Variants in CD44 observed in about 807,000 individuals in gnomAD.
CD44 encodes CD44 molecule (IN blood group).
A neutral mutation model predicts 88.8 loss-of-function variants in CD44; 49 were observed. The observed-to-expected ratio is 0.55, with a 90% CI of 0.44 to 0.70. CD44 has a LOEUF of 0.70. Ranked by LOEUF, CD44 falls within the 30% of genes least tolerant of loss-of-function variation. The probability of loss-of-function intolerance (pLI) is 0.00; values close to 1 mark genes in which losing one functional copy is unlikely to be tolerated. For synonymous variants in CD44, 325 were observed against 312.3 expected (o/e 1.04, Z -0.43); for missense variants, 883 against 913.8 (o/e 0.97, Z 0.43).
intron 1 of CD44, among the ~76,000 whole-genome samples, chr11:35,167,197 G>A (rs1461597776): frequency 1.3e-5 from 2 of 152,226 alleles, no homozygotes; most frequent in African/African-American, 4.8e-5. Context: ...AGATAGATCA[G>A]TAGCAACAGC....
At chr11:35,173,981 T>G (rs969164002) in intron 1 of CD44, among the ~76,000 whole-genome samples, 3 of 152,188 alleles carry the variant, frequency 2.0e-5, no homozygotes, top group Admixed American at 1.3e-4. Context: ...GGGAGTCATT[T>G]AATTTTTCTG....
intron 8 of CD44, 132 bp downstream of exon 8, chr11:35,201,327 G>A (rs2134046037): frequency 2.9e-6 from 2 of 698,878 alleles, no homozygotes; most frequent in East Asian, 5.4e-5. Flanking sequence ...GGACTTTTAT[G>A]AGGATACTTA....
intron 3 of CD44, among the ~76,000 whole-genome samples, chr11:35,183,550 T>TC (rs563545630): frequency 6.6e-6 from 1 of 151,966 alleles, no homozygotes. Context: ...AGTGCTGTGA[T>TC]CCCCCCCATA....
At chr11:35,209,144 G>A (rs1031237968) in intron 12 of CD44, among the ~76,000 whole-genome samples, 7 of 152,312 alleles carry the variant, frequency 4.6e-5, no homozygotes, top group Non-Finnish European at 5.9e-5. Flanking sequence ...TTATTCGGTG[G>A]TGGGCATGGC....
At chr11:35,227,998 A>G (rs1190693086) in intron 17 of CD44, among the ~76,000 whole-genome samples, 1 of 152,218 alleles carries the variant, frequency 6.6e-6, no homozygotes, top group Admixed American at 6.5e-5. Flanking sequence ...AGAAAATTAC[A>G]TGTAAAATGT....
chr11:35,194,755 A>T (rs754037845), intron 5 of CD44, among the ~76,000 whole-genome samples: 2 of 152,348 alleles, frequency 1.3e-5, no homozygotes, highest in Non-Finnish European at 2.9e-5. Flanking sequence ...CAATGTGTAT[A>T]TAGAATCAGA....
intron 1 of CD44, among the ~76,000 whole-genome samples, chr11:35,174,300 C>A (rs939765495): frequency 6.6e-6 from 1 of 152,210 alleles, no homozygotes; most frequent in African/African-American, 2.4e-5. Flanking sequence ...AGAGATGGAG[C>A]TGGTTAATGC....
At chr11:35,182,070 T>C (rs551559924) in intron 3 of CD44, among the ~76,000 whole-genome samples, 90 of 138,334 alleles carry the variant, frequency 6.5e-4, no homozygotes, top group African/African-American at 2.3e-3. Flanking sequence ...ATCACAGATA[T>C]ATATACCATA....
At chr11:35,224,652 G>C (rs751957050) in intron 17 of CD44, among the ~76,000 whole-genome samples, 2 of 152,000 alleles carry the variant, frequency 1.3e-5, no homozygotes, top group Non-Finnish European at 2.9e-5. Context: ...TAGAAGAATC[G>C]CTTGAGCCCC....
At chr11:35,194,658 G>T (rs1264832249) in intron 5 of CD44, among the ~76,000 whole-genome samples, 2 of 152,170 alleles carry the variant, frequency 1.3e-5, no homozygotes, top group African/African-American at 4.8e-5. Flanking sequence ...TGAGAATAGG[G>T]TCTTGTACCA....
At chr11:35,185,303 T>C (rs909776760) in intron 3 of CD44, among the ~76,000 whole-genome samples, 1 of 152,170 alleles carries the variant, frequency 6.6e-6, no homozygotes, top group Non-Finnish European at 1.5e-5. Flanking sequence ...AGAATGGTGT[T>C]TCCTAAAACT....
rs377112972 is a variant in CD44, at chr11:35,198,124, C to G, written c.800C>G (p.Thr267Arg). ...HLHTTTQMAGTSSNTISAGWE... is the reference protein window; with the variant it reads ...HLHTTTQMAGRSSNTISAGWE... ...CTAATGCAAGTCACCACAACAGGTA[C>G]GTCTTCAAATACCATCTCAGCAGGC... is the stretch of plus-strand genomic sequence containing the variant. The change falls in exon 7 of 18, where the codon ACG becomes AGG. Residue 267 changes from threonine (T) to arginine (R), a missense_variant. Around this residue, in one of 2 missense-constraint regions of CD44, gnomAD observed 631 missense variants for 590.9 expected, o/e 1.07. Transcript: ENST00000428726. 6.2e-7 allele frequency: 1 copy of G among 1,613,400 alleles called. No individual in the cohort carries two copies. The highest frequency in any genetic ancestry group is 8.5e-7 in the Non-Finnish European group (1 of 1,179,522).
At chr11:35,211,041 A>G (rs1218966738) in intron 13 of CD44, among the ~76,000 whole-genome samples, 1 of 152,166 alleles carries the variant, frequency 6.6e-6, no homozygotes, top group Non-Finnish European at 1.5e-5. Context: ...AGATCACCAA[A>G]ATCTCTTCTG....
chr11:35,221,710 A>G lies in CD44; in HGVS notation c.2002A>G (p.Ile668Val). Residue 668 changes from isoleucine to valine, a missense_variant, in exon 17 of 18, where the codon ATT becomes GTT. Ile to Val is a conservative substitution (Grantham distance 29). Coordinates refer to ENST00000428726, the MANE Select transcript of CD44 (RefSeq NM_000610.4). ...CTTGGCTTTGATTCTTGCAGTTTGC[A>G]TTGCAGTCAACAGTCGAAGAAGGTA... ...LALALILAVC[I>V]AVNSRRRCGQ... The G allele has an allele frequency of 6.2e-7, 1 of 1,614,118 alleles. No individual in the cohort carries two copies. Among genetic ancestry groups the G allele is most frequent in the Non-Finnish European group, 8.5e-7 (1 of 1,179,954 alleles).
intron 7 of CD44, chr11:35,198,619 T>C (rs80037811): frequency 0.024 from 4,029 of 166,692 alleles, 188 homozygotes; most frequent in African/African-American, 0.091. Flanking sequence ...CCAGAGCCTT[T>C]GCTTTTCAGA....
At chr11:35,175,658 T>C (rs1286653968) in intron 1 of CD44, among the ~76,000 whole-genome samples, 1 of 152,210 alleles carries the variant, frequency 6.6e-6, no homozygotes, top group African/African-American at 2.4e-5. Flanking sequence ...TCTGTAAGTT[T>C]GTATGACATC....
rs1382893317 is a variant in CD44 at position 35,232,289 on chromosome 11, A to G, written c.*2956A>G. On this transcript the variant is annotated 3_prime_UTR_variant, in exon 18 of 18. Transcript: ENST00000428726. ...AGCACACCCTTCCTCTGGTTTTTGT[A>G]TATTTATTGATGGATCAATAATAAT... is the stretch of plus-strand genomic sequence containing the variant. 2 of 152,638 alleles carry G rather than the reference A, an allele frequency of 1.3e-5. No homozygotes were observed. Among genetic ancestry groups the G allele is most frequent in the Admixed American group, 6.5e-5 (1 of 15,286 alleles). 9.5% of individuals were successfully genotyped at this position (152,638 alleles called of 1,614,324 possible). A position where few individuals can be genotyped will look rare whatever the true frequency, so the allele number is the denominator to read the frequency against.
intron 5 of CD44, among the ~76,000 whole-genome samples, chr11:35,196,284 A>G (rs901159212): frequency 2.6e-5 from 4 of 152,206 alleles, no homozygotes; most frequent in African/African-American, 9.6e-5. Flanking sequence ...GGTTTTTTAA[A>G]TCCAACATTT....
At chr11:35,207,730 T>A (rs1948010267) in intron 11 of CD44, among the ~76,000 whole-genome samples, 1 of 152,144 alleles carries the variant, frequency 6.6e-6, no homozygotes, top group African/African-American at 2.4e-5. Context: ...GGGGATAAAA[T>A]GGTGCCTGAG....
Sources: gnomAD v4.1 joint callset for allele counts (sites outside exome capture counted in the v4.1 genomes callset) on GRCh38, gnomAD v4.1.1 for gene constraint, gnomAD v4.1.1 regional missense constraint, MANE v1.5 for transcripts, NCBI Gene and HGNC (gene_info 2026-07-23, HGNC 2026-07-21) for gene names.